PIK3C2G: variants seen among roughly 807,000 people sequenced by gnomAD.
The protein encoded by PIK3C2G is phosphatidylinositol-4-phosphate 3-kinase catalytic subunit type 2 gamma, also known as phosphatidylinositol 3-kinase C2 domain-containing subunit gamma.
In PIK3C2G, 168 loss-of-function variants were observed where a neutral mutation model predicts 181.1. The ratio of observed to expected loss-of-function variants is 0.93; its 90% CI spans 0.82 to 1.05. The LOEUF is 1.05. Among genes scored for constraint, PIK3C2G ranks in the 50% least tolerant of loss-of-function variants. The probability of loss-of-function intolerance (pLI) is 0.00; values close to 1 mark genes in which losing one functional copy is unlikely to be tolerated. For missense variants in PIK3C2G, 1,869 were observed against 1,732.8 expected, an observed-to-expected ratio of 1.08 and a Z score of -1.40; for synonymous variants, 573 against 592.2, an observed-to-expected ratio of 0.97 and a Z score of 0.47.
chr12:18,487,888 G>T (rs2136049224), intron 18 of PIK3C2G, among the ~76,000 whole-genome samples: 1 of 152,248 alleles, frequency 6.6e-6, no homozygotes. Flanking sequence ...TAATTTGTAA[G>T]TTTGAGAGCT....
At chr12:18,338,794 A>G (rs1300400106) in intron 9 of PIK3C2G, among the ~76,000 whole-genome samples, 1 of 151,748 alleles carries the variant, frequency 6.6e-6, no homozygotes, top group Non-Finnish European at 1.5e-5. Context: ...TTAAACTATA[A>G]GAACACTGAT....
At chr12:18,608,904 G>T (rs529408996) in intron 30 of PIK3C2G, among the ~76,000 whole-genome samples, 11 of 152,154 alleles carry the variant, frequency 7.2e-5, no homozygotes, top group Non-Finnish European at 1.2e-4. Context: ...ATTCTGTGCA[G>T]GGGGTGGGAG....
chr12:18,704,165 C>T, the PIK3C2G span, among the ~76,000 whole-genome samples: 7 of 152,022 alleles, frequency 4.6e-5, 1 homozygote, highest in South Asian at 1.2e-3. Context: ...GAGAGGACAA[C>T]CAGATGAAGA....
intron 17 of PIK3C2G, among the ~76,000 whole-genome samples, chr12:18,421,746 GT>G (rs1313330805): frequency 1.3e-5 from 2 of 149,746 alleles, no homozygotes; most frequent in African/African-American, 4.9e-5. Flanking sequence ...GCTTTGTTTT[GT>G]TTTTAATCCA....
At chr12:18,292,227 A>AAAAAAAAATATATATATATAT in intron 4 of PIK3C2G, among the ~76,000 whole-genome samples, 5 of 48,748 alleles carry the variant, frequency 1.0e-4, no homozygotes, top group African/African-American at 4.4e-4. Flanking sequence ...AAAAAAAAAA[A>AAAAAAAAATATATATATATAT]ATATATATAT....
At chr12:18,696,956 A>G in the PIK3C2G span, among the ~76,000 whole-genome samples, 3 of 152,262 alleles carry the variant, frequency 2.0e-5, no homozygotes, top group South Asian at 4.1e-4. Context: ...ACATACACAC[A>G]CAGTCTATTT....
At position 18,346,697 on chromosome 12, in the gene PIK3C2G, G is replaced by T; in HGVS notation, c.1486G>T (p.Val496Phe). The change falls in exon 11 of 33, where the codon GTC becomes TTC. Residue 496 changes from valine (V) to phenylalanine (F), a missense_variant. Val to Phe is a conservative substitution (Grantham distance 50). Transcript: ENST00000538779. Reference sequence around the variant, plus strand: ...CACATCCATCTACCAGCTAATCAATGTCTACTGTAACAGCTTTTATGCAGA... The same window carrying T: ...CACATCCATCTACCAGCTAATCAATTTCTACTGTAACAGCTTTTATGCAGA... ...LSTSIYQLIN[V>F]YCNSFYADFQ... 1 of 1,613,230 alleles carries T rather than the reference G, an allele frequency of 6.2e-7. No individual in the cohort carries two copies.
intron 1 of PIK3C2G, among the ~76,000 whole-genome samples, chr12:18,275,454 T>G (rs1948944224): frequency 6.6e-6 from 1 of 152,164 alleles, no homozygotes; most frequent in African/African-American, 2.4e-5. Context: ...TGATCTCGAC[T>G]CAGTGCAACC....
At chr12:18,398,422 A>G (rs1255594282) in intron 15 of PIK3C2G, among the ~76,000 whole-genome samples, 1 of 152,198 alleles carries the variant, frequency 6.6e-6, no homozygotes, top group African/African-American at 2.4e-5. Context: ...CCTATAATCC[A>G]GTCTTTTCTT....
intron 31 of PIK3C2G, among the ~76,000 whole-genome samples, chr12:18,613,358 A>G (rs1051312806): frequency 2.6e-5 from 4 of 152,068 alleles, no homozygotes; most frequent in African/African-American, 9.7e-5. Flanking sequence ...ATAGAAGACA[A>G]CTCAAAGGTG....
chr12:18,614,846 A>C (rs1948516904), intron 31 of PIK3C2G, among the ~76,000 whole-genome samples: 1 of 152,140 alleles, frequency 6.6e-6, no homozygotes, highest in Non-Finnish European at 1.5e-5. Context: ...ACAGTTATAC[A>C]ATATGGCCCT....
chr12:18,699,896 C>G, the PIK3C2G span: 1 of 1,612,608 alleles, frequency 6.2e-7, no homozygotes, highest in Non-Finnish European at 8.5e-7. Flanking sequence ...AATTTCTCAG[C>G]TTTCGTATAA....
chr12:18,326,733 G>C, intron 8 of PIK3C2G, among the ~76,000 whole-genome samples: 1 of 152,258 alleles, frequency 6.6e-6, no homozygotes, highest in South Asian at 2.1e-4. Flanking sequence ...AGCCTTGTGA[G>C]AGTCATTCTT....
intron 28 of PIK3C2G, among the ~76,000 whole-genome samples, chr12:18,565,588 T>A (rs1653204775): frequency 6.6e-6 from 1 of 152,138 alleles, no homozygotes; most frequent in South Asian, 2.1e-4. Flanking sequence ...TTGTTGTGAA[T>A]GAAATTGAGG....
At chr12:18,496,342 A>G (rs1941012011) in intron 21 of PIK3C2G, among the ~76,000 whole-genome samples, 188 bp downstream of exon 21, 1 of 152,156 alleles carries the variant, frequency 6.6e-6, no homozygotes, top group Admixed American at 6.5e-5. Context: ...AATAAATCAA[A>G]CATTACTGGC....
rs532110604 is a variant in PIK3C2G, at chr12:18,457,250, A to C, written c.2505-31199A>C. Among the ~76,000 whole-genome samples the C allele has an allele frequency of 5.3e-5, 8 of 152,320 alleles. No homozygotes were observed. The South Asian group carries it at 1.7e-3, about 32-fold the overall frequency. On this transcript the variant is annotated intron_variant, in intron 18 of 32. Transcript: ENST00000538779. Reference sequence around the variant, plus strand: ...TATAAAATTGATGTTCGCAGAGAATAGTTAAGTGCTTTCCTTTGATTCTGC... The same window carrying C: ...TATAAAATTGATGTTCGCAGAGAATCGTTAAGTGCTTTCCTTTGATTCTGC...
intron 13 of PIK3C2G, chr12:18,372,630 A>C (rs1237814303): frequency 1.3e-5 from 2 of 152,168 alleles, no homozygotes; most frequent in African/African-American, 4.8e-5. Flanking sequence ...TTTTTGTAGA[A>C]TATTTCTAGC....
In PIK3C2G at chr12:18,575,216, G is replaced by T. The variant is rs548329541; in HGVS notation, c.4011+8159G>T. Among the ~76,000 whole-genome samples the T allele has an allele frequency of 5.1e-4, 78 of 152,208 alleles. No individual in the cohort carries two copies. The South Asian group carries it at 0.016, about 31-fold the overall frequency. ...TCAGCAGTTACTAAGAAAACAAGTG[G>T]TTCTCAAATTATAGTTCCTATATGG... On this transcript the variant is annotated intron_variant, in intron 29 of 32. Transcript: ENST00000538779.
At chr12:18,398,246 C>T (rs554194215) in intron 15 of PIK3C2G, among the ~76,000 whole-genome samples, 1 of 151,428 alleles carries the variant, frequency 6.6e-6, no homozygotes, top group Non-Finnish European at 1.5e-5. Flanking sequence ...ACAAAAAGAG[C>T]TAAAAAAAAG....
Sources: allele counts gnomAD v4.1 joint callset (sites outside exome capture counted in the v4.1 genomes callset), GRCh38; gene constraint gnomAD v4.1.1; transcripts MANE v1.5; gene names NCBI Gene and HGNC (gene_info 2026-07-23, HGNC 2026-07-21).